Variants in SATB1 observed in about 807,000 individuals in gnomAD.
SATB1 encodes the protein SATB homeobox 1.
Under a neutral mutation model 86.9 loss-of-function variants are expected in SATB1, and 11 were observed. The observed-to-expected ratio is 0.13, with a 90% CI of 0.08 to 0.21. The LOEUF (loss-of-function observed/expected upper bound fraction) is 0.21, where lower values mean the gene tolerates loss of function less well. Among genes scored for constraint, SATB1 ranks in the 10% least tolerant of loss-of-function variants. The pLI, the probability that SATB1 is intolerant of heterozygous loss-of-function variation, is 1.00. For synonymous variants in SATB1, 357 were observed against 357.2 expected (o/e 1.00, Z 0.01); for missense variants, 551 against 937.6 (o/e 0.59, Z 5.39).
At chr3:18,409,778 T>C (rs1697738867) in intron 5 of SATB1, 1 of 152,034 alleles carries the variant, frequency 6.6e-6, no homozygotes, top group Admixed American at 6.6e-5. Flanking sequence ...GATAATTTTA[T>C]ACTGGGAAGG....
intron 10 of SATB1, chr3:18,351,778 G>T: frequency 1.8e-6 from 1 of 569,250 alleles, no homozygotes. Flanking sequence ...TTGCTTTGGT[G>T]GCTGGGAGAT....
At position 18,415,873 on chromosome 3, in the gene SATB1, A is replaced by G. The variant is rs939784220; in HGVS notation, c.515+134T>C. The G allele has an allele frequency of 7.5e-6, 5 of 667,570 alleles. No individual in the cohort carries two copies. The Admixed American group carries it at 9.2e-5, about 12-fold the overall frequency. The allele number at this position is 667,570 out of a possible 1,614,324, so 41.4% of individuals were successfully genotyped here. ...AGGAAAAAAGGCAGAAGGATAGGGT[A>G]ACAAAATCGATCTGTATTAACCTTT... On this transcript the variant is annotated intron_variant, in intron 4 of 10. Coordinates refer to ENST00000338745, the MANE Select transcript of SATB1 (RefSeq NM_002971.6).
intron 9 of SATB1, among the ~76,000 whole-genome samples, chr3:18,364,744 C>T (rs1389116027): frequency 3.3e-5 from 5 of 151,768 alleles, no homozygotes; most frequent in Non-Finnish European, 7.4e-5. Flanking sequence ...CACACACACA[C>T]GTACGTATAG....
At position 18,444,206 on chromosome 3, in the gene SATB1, C is replaced by A. The variant is rs1363431495; in HGVS notation, c.-25+1312G>T. ...CGGCTCCAGAACGCACCGAGAGGCT[C>A]CCCTTTTCCCCATTTGCTTCCTTCG... On this transcript the variant is annotated intron_variant, in intron 1 of 3. Transcript: ENST00000415069. The surrounding 1 kb of genome is among the most constrained non-coding windows in gnomAD (Gnocchi z 5.1). Among the ~76,000 whole-genome samples the A allele has an allele frequency of 6.6e-6, 1 of 152,110 alleles. No homozygotes were observed. The highest frequency in any genetic ancestry group is 2.1e-4 in the South Asian group (1 of 4,810).
At chr3:18,356,909 A>G (rs1257333455) in intron 9 of SATB1, among the ~76,000 whole-genome samples, 1 of 151,888 alleles carries the variant, frequency 6.6e-6, no homozygotes, top group Non-Finnish European at 1.5e-5. Context: ...TAACATAACT[A>G]CTTTTCCAGG....
intron 9 of SATB1, among the ~76,000 whole-genome samples, chr3:18,353,468 G>T (rs1694474525): frequency 6.6e-6 from 1 of 151,984 alleles, no homozygotes; most frequent in African/African-American, 2.4e-5. Flanking sequence ...TGCATTTAGG[G>T]AACTTGATCT....
chr3:18,413,345 G>A (rs1458137234), intron 5 of SATB1, among the ~76,000 whole-genome samples: 4 of 152,042 alleles, frequency 2.6e-5, no homozygotes, highest in East Asian at 3.9e-4. Context: ...TATTTGTAAC[G>A]ACAGCCTCTT....
At chr3:18,445,287 G>T (rs1258760328) in intron 1 of SATB1, 1 of 983,794 alleles carries the variant, frequency 1.0e-6, no homozygotes, top group Non-Finnish European at 1.2e-6. Context: ...AGCCGAGCCC[G>T]AGCCGCCGCC....
chr3:18,423,626 C>G lies in SATB1; in HGVS notation c.-25+1G>C, dbSNP rs1698497977. 6.6e-6 allele frequency: 1 copy of G among 151,950 alleles called. No individual in the cohort carries two copies. Among genetic ancestry groups the G allele is most frequent in the Admixed American group, 6.6e-5 (1 of 15,256 alleles). 9.4% of individuals were successfully genotyped at this position (151,950 alleles called of 1,614,324 possible). A position where few individuals can be genotyped will look rare whatever the true frequency, so the allele number is the denominator to read the frequency against. On this transcript the variant is annotated splice_donor_variant, in intron 1 of 10. Coordinates refer to ENST00000338745, the MANE Select transcript of SATB1 (RefSeq NM_002971.6). LOFTEE classifies it low-confidence loss of function (5UTR_SPLICE). ...ATTAGCAAAACCGACCTGAAACTCA[C>G]CACTTCAAAACTTGACAGCACATAA...
chr3:18,427,128 C>G (rs1356058069), upstream of SATB1, among the ~76,000 whole-genome samples: 3 of 152,022 alleles, frequency 2.0e-5, no homozygotes, highest in African/African-American at 7.3e-5. Context: ...GTAAAAAGCC[C>G]AAATGATAGT....
In SATB1 at chr3:18,420,973, G is replaced by A. The variant is rs377374372; in HGVS notation, c.-6C>T. 311 of 1,613,596 alleles carry A rather than the reference G, an allele frequency of 1.9e-4. 1 individual carries two copies. The highest frequency in any genetic ancestry group is 2.4e-4 in the Non-Finnish European group (284 of 1,179,698). ...GCCTCGTTCAAATGATCCATACTCA[G>A]TCACTGTCTAAAGATCACCTGCCAG... is the stretch of plus-strand genomic sequence containing the variant. On this transcript the variant is annotated 5_prime_UTR_variant, in exon 2 of 11. Coordinates refer to ENST00000338745, the MANE Select transcript of SATB1 (RefSeq NM_002971.6).
intron 10 of SATB1, 147 bp downstream of exon 10, chr3:18,351,845 C>A (rs1368410212): frequency 5.7e-6 from 4 of 696,778 alleles, no homozygotes; most frequent in East Asian, 2.6e-5. Flanking sequence ...TTCATTTTAT[C>A]CCCCTGAGCA....
chr3:18,377,356 G>A (rs1452851545), intron 9 of SATB1, among the ~76,000 whole-genome samples: 2 of 152,150 alleles, frequency 1.3e-5, no homozygotes, highest in African/African-American at 4.8e-5. Context: ...GGGGAAAAGA[G>A]TTTAGTGTTC....
chr3:18,409,037 G>C (rs1055387546), intron 5 of SATB1: 1 of 151,948 alleles, frequency 6.6e-6, no homozygotes, highest in African/African-American at 2.4e-5. Context: ...CCCTGCATTA[G>C]TGATTTTGAG....
intron 7 of SATB1, among the ~76,000 whole-genome samples, chr3:18,389,581 C>T (rs918777222): frequency 6.6e-6 from 1 of 152,012 alleles, no homozygotes; most frequent in African/African-American, 2.4e-5. Context: ...ATTTGTAGTA[C>T]TGCCCACACA....
intron 9 of SATB1, among the ~76,000 whole-genome samples, chr3:18,360,376 C>T (rs1045535705): frequency 6.6e-6 from 1 of 152,134 alleles, no homozygotes; most frequent in Non-Finnish European, 1.5e-5. Flanking sequence ...GAGAAAAGTT[C>T]ACCCTCTCAG....
chr3:18,386,336 T>C lies in SATB1; in HGVS notation c.1419+63A>G, dbSNP rs1308824038. 2 of 1,235,378 alleles carry C rather than the reference T, an allele frequency of 1.6e-6. No homozygotes were observed. The highest frequency in any genetic ancestry group is 4.7e-5 in the East Asian group (2 of 42,518). The allele number at this position is 1,235,378 out of a possible 1,614,324, so 76.5% of individuals were successfully genotyped here. A position where few individuals can be genotyped will look rare whatever the true frequency, so the allele number is the denominator to read the frequency against. Reference sequence around the variant, plus strand: ...CTATCTATCTAATTTCTTATTGAGATTCTTCCTCAAGCATTAAAAAAAAGC... The same window carrying C: ...CTATCTATCTAATTTCTTATTGAGACTCTTCCTCAAGCATTAAAAAAAAGC... On this transcript the variant is annotated intron_variant, in intron 8 of 10. Coordinates refer to ENST00000338745, the MANE Select transcript of SATB1 (RefSeq NM_002971.6). This position sits in a 1 kb window ranked among gnomAD's most constrained non-coding sequence, Gnocchi z 4.5.
At chr3:18,434,611 G>T (rs1698999678) in intron 2 of SATB1, among the ~76,000 whole-genome samples, 1 of 151,908 alleles carries the variant, frequency 6.6e-6, no homozygotes, top group Admixed American at 6.6e-5. Flanking sequence ...AAAAGATAGA[G>T]AAACTAGATT....
In SATB1 at chr3:18,394,259, C is replaced by A. The variant is rs1234283912; in HGVS notation, c.1206+203G>T. 6.6e-6 allele frequency among the ~76,000 whole-genome samples: 1 copy of A among 152,142 alleles called. No individual in the cohort carries two copies. ...AAGGCCCTGAATTGGGATCAATCTGCACATAGGTTCCCTTGATTCAGAAGT... is the reference window on the plus strand; with the variant it reads ...AAGGCCCTGAATTGGGATCAATCTGAACATAGGTTCCCTTGATTCAGAAGT... On this transcript the variant is annotated intron_variant, in intron 7 of 10. Coordinates refer to ENST00000338745, the MANE Select transcript of SATB1 (RefSeq NM_002971.6). The surrounding 1 kb of genome is among the most constrained non-coding windows in gnomAD (Gnocchi z 5.9).
Sources: gnomAD v4.1 joint callset for allele counts (sites outside exome capture counted in the v4.1 genomes callset) on GRCh38, gnomAD v4.1.1 for gene constraint, Gnocchi (gnomAD v3.1) non-coding constraint, MANE v1.5 for transcripts, NCBI Gene and HGNC (gene_info 2026-07-23, HGNC 2026-07-21) for gene names.